PRDM5: variants seen among roughly 807,000 people sequenced by gnomAD.
PRDM5 encodes PR/SET domain 5, also known as PR domain zinc finger protein 5.
In PRDM5, 56 loss-of-function variants were observed where a neutral mutation model predicts 81.2. The ratio of observed to expected loss-of-function variants is 0.69; its 90% confidence interval spans 0.56 to 0.86. PRDM5 has a LOEUF of 0.86. Among genes scored for constraint, PRDM5 ranks in the 40% least tolerant of loss-of-function variants. PRDM5 has a pLI of 0.00. For missense variants in PRDM5, 697 were observed against 770.1 expected (o/e 0.91, Z 1.12); for synonymous variants, 267 against 256.4 (o/e 1.04, Z -0.39).
At chr4:120,853,283 G>T in intron 3 of PRDM5, 135 bp downstream of exon 3, 1 of 1,349,542 alleles carries the variant, frequency 7.4e-7, no homozygotes, top group Non-Finnish European at 1.1e-6. Context: ...GACTAGATGA[G>T]ATTTCTCTGC....
intron 5 of PRDM5, 33 bp from the exon 6 acceptor site, chr4:120,816,957 A>T: frequency 2.6e-6 from 4 of 1,532,406 alleles, no homozygotes; most frequent in Non-Finnish European, 3.6e-6. Context: ...GAAAGAAAAG[A>T]AAACAAAAAC....
At chr4:120,769,620 A>C (rs184105341) in intron 13 of PRDM5, among the ~76,000 whole-genome samples, 31 of 152,212 alleles carry the variant, frequency 2.0e-4, no homozygotes, top group African/African-American at 7.5e-4. Flanking sequence ...AATTGTTTAA[A>C]CCTTCTTTTC....
At chr4:120,838,915 C>A in intron 3 of PRDM5, 1 of 395,800 alleles carries the variant, frequency 2.5e-6, no homozygotes, top group Non-Finnish European at 4.7e-6. Flanking sequence ...AGTGTGGGGT[C>A]TGGCCAATGC....
intron 14 of PRDM5, among the ~76,000 whole-genome samples, chr4:120,719,634 C>T (rs1035282130): frequency 1.3e-5 from 2 of 151,976 alleles, no homozygotes; most frequent in South Asian, 2.1e-4. Context: ...ACACTTACAC[C>T]TTGAATTAGA....
At position 120,781,426 on chromosome 4, in the gene PRDM5, T is replaced by C. The variant is rs114852145; in HGVS notation, c.1283-123A>G. 4.1e-3 allele frequency: 3,531 copies of C among 862,450 alleles called. 86 individuals are homozygous for C. The African/African-American group carries it at 0.052, about 13-fold the overall frequency. The allele number at this position is 862,450 out of a possible 1,614,324, so 53.4% of individuals were successfully genotyped here. A position where few individuals can be genotyped will look rare whatever the true frequency, so the allele number is the denominator to read the frequency against. On this transcript the variant is annotated intron_variant, in intron 11 of 15. Coordinates refer to ENST00000264808, the MANE Select transcript of PRDM5 (RefSeq NM_018699.4). ...TTTGTAGCTCTAAGAATGTTAACTT[T>C]TTATTTTTTACAACAAATTCCAGTT... is the stretch of plus-strand genomic sequence containing the variant.
chr4:120,839,920 C>T (rs1219045511), intron 3 of PRDM5, among the ~76,000 whole-genome samples: 1 of 152,116 alleles, frequency 6.6e-6, no homozygotes, highest in Non-Finnish European at 1.5e-5. Context: ...TGTGTCAGCA[C>T]TGCCCCAGGT....
chr4:120,729,636 C>T (rs1158224399), intron 14 of PRDM5, among the ~76,000 whole-genome samples: 1 of 152,122 alleles, frequency 6.6e-6, no homozygotes, highest in East Asian at 1.9e-4. Flanking sequence ...TAAAAAGAAA[C>T]TACAATACAA....
intron 2 of PRDM5, among the ~76,000 whole-genome samples, chr4:120,862,976 T>C (rs1000299935): frequency 2.6e-5 from 4 of 151,380 alleles, no homozygotes; most frequent in African/African-American, 7.3e-5. Context: ...CTGTACAACA[T>C]GGCAAAACCC....
At chr4:120,701,111 C>T (rs1044260069) in intron 15 of PRDM5, among the ~76,000 whole-genome samples, 10 of 150,010 alleles carry the variant, frequency 6.7e-5, no homozygotes, top group African/African-American at 1.5e-4. Context: ...GGCGACAGAG[C>T]AAGACTCTGT....
chr4:120,872,917 A>G (rs186905), intron 2 of PRDM5, among the ~76,000 whole-genome samples: 38,755 of 152,016 alleles, frequency 0.25, 5,521 homozygotes, highest in African/African-American at 0.36. Flanking sequence ...CAATGTAAAT[A>G]TACTTAACAC....
At chr4:120,903,833 T>C (rs1367923251) in intron 2 of PRDM5, among the ~76,000 whole-genome samples, 7 of 152,086 alleles carry the variant, frequency 4.6e-5, no homozygotes, top group Admixed American at 4.6e-4. Context: ...TGCCTCTGCT[T>C]CTCCTTTGCC....
chr4:120,842,772 A>G (rs1050778912), intron 3 of PRDM5, among the ~76,000 whole-genome samples: 1 of 152,150 alleles, frequency 6.6e-6, no homozygotes, highest in Non-Finnish European at 1.5e-5. Flanking sequence ...CAGAATTTCT[A>G]TTTTCAATTC....
chr4:120,726,268 C>T (rs1739394583), intron 14 of PRDM5, among the ~76,000 whole-genome samples: 1 of 152,224 alleles, frequency 6.6e-6, no homozygotes, highest in Admixed American at 6.5e-5. Context: ...AACCCATTCT[C>T]AGAATATATT....
intron 13 of PRDM5, among the ~76,000 whole-genome samples, chr4:120,759,762 A>C (rs890837271): frequency 1.3e-5 from 2 of 152,246 alleles, no homozygotes; most frequent in Admixed American, 6.5e-5. Flanking sequence ...TTAATAGCTC[A>C]GGTATATTTA....
chr4:120,695,200 C>T lies in PRDM5; in HGVS notation c.1804G>A (p.Ala602Thr), dbSNP rs1159152264. ...TTCTTATGGCAAAACTGGCATTCTG[C>T]CAGGGGACGATTGGGATTATGAGTC... ...KMTHNPNRPLAECQFCHKKFT... is the reference protein window; with the variant it reads ...KMTHNPNRPLTECQFCHKKFT... Residue 602 changes from alanine (A) to threonine (T), a missense_variant, in exon 16 of 16, where the codon GCA (alanine) becomes ACA (threonine). Ala to Thr is a moderately conservative substitution (Grantham distance 58). Coordinates refer to ENST00000264808, the MANE Select transcript of PRDM5 (RefSeq NM_018699.4). 2 of 1,613,622 alleles carry T rather than the reference C, an allele frequency of 1.2e-6. No individual in the cohort carries two copies. The highest frequency in any genetic ancestry group is 1.7e-6 in the Non-Finnish European group (2 of 1,179,684).
At chr4:120,705,769 G>C (rs1350653571) in intron 15 of PRDM5, among the ~76,000 whole-genome samples, 1 of 152,174 alleles carries the variant, frequency 6.6e-6, no homozygotes, top group African/African-American at 2.4e-5. Flanking sequence ...AGATTACTCT[G>C]CATGAGACTG....
chr4:120,798,192 G>A, intron 10 of PRDM5, 75 bp downstream of exon 10: 1 of 1,193,258 alleles, frequency 8.4e-7, no homozygotes, highest in Non-Finnish European at 1.2e-6. Flanking sequence ...ATGTACAAAA[G>A]CTTTATCAAA....
intron 2 of PRDM5, among the ~76,000 whole-genome samples, chr4:120,861,235 T>G (rs539632391): frequency 1.3e-5 from 2 of 152,292 alleles, no homozygotes; most frequent in South Asian, 2.1e-4. Context: ...CTCAAACTCC[T>G]GACCTCAAGT....
At chr4:120,813,144 T>C (rs1754069429) in intron 7 of PRDM5, 1 of 152,528 alleles carries the variant, frequency 6.6e-6, no homozygotes, top group Non-Finnish European at 1.5e-5. Context: ...TATGTAGTGA[T>C]TATGTTTACA....
Sources: gnomAD v4.1 joint callset for allele counts (sites outside exome capture counted in the v4.1 genomes callset) on GRCh38, gnomAD v4.1.1 for gene constraint, MANE v1.5 for transcripts, NCBI Gene and HGNC (gene_info 2026-07-23, HGNC 2026-07-21) for gene names.